Variants in KYNU observed in about 807,000 individuals in gnomAD.
The protein encoded by KYNU is L-kynurenine hydrolase.
A neutral mutation model predicts 59.2 loss-of-function variants in KYNU; 54 were observed. That is an observed-to-expected ratio of 0.91 (90% confidence interval 0.73 to 1.14). The LOEUF is 1.14. Among genes scored for constraint, KYNU ranks in the 50% most tolerant of loss-of-function variants. The pLI is 0.00. For synonymous variants in KYNU, 177 were observed against 192.0 expected, an observed-to-expected ratio of 0.92 and a Z score of 0.65; for missense variants, 567 against 554.4, an observed-to-expected ratio of 1.02 and a Z score of -0.23.
chr2:143,008,096 A>T lies in KYNU; in HGVS notation c.903-21531A>T, dbSNP rs1461821876. 1.7e-5 allele frequency among the ~76,000 whole-genome samples: 2 copies of T among 119,440 alleles called. 1 individual carries two copies. Among genetic ancestry groups the T allele is most frequent in the Non-Finnish European group, 3.4e-5 (2 of 59,216 alleles). 78.4% of individuals were successfully genotyped at this position (119,440 alleles called of 152,430 possible). The stretch of plus-strand genomic sequence containing the variant: ...TGTAAATGGACTAAATTCTCCAATT[A>T]AAAGACACAGACTGGCAAATTGGAT... On this transcript the variant is annotated intron_variant, in intron 10 of 13. Coordinates refer to ENST00000264170, the MANE Select transcript of KYNU (RefSeq NM_003937.3).
chr2:142,977,124 A>T (rs1684907396), intron 8 of KYNU, among the ~76,000 whole-genome samples: 1 of 152,032 alleles, frequency 6.6e-6, no homozygotes, highest in African/African-American at 2.4e-5. Flanking sequence ...ATAATGAAGT[A>T]TGTCCATCCC....
intron 2 of KYNU, among the ~76,000 whole-genome samples, chr2:142,906,163 G>A (rs1009213299): frequency 6.6e-6 from 1 of 151,982 alleles, no homozygotes; most frequent in South Asian, 2.1e-4. Context: ...AAGGAAGTTC[G>A]CTTGTTGACC....
At chr2:142,948,065 A>G (rs1683859549) in intron 4 of KYNU, 1 of 152,218 alleles carries the variant, frequency 6.6e-6, no homozygotes, top group Non-Finnish European at 1.5e-5. Flanking sequence ...AATCATCAAT[A>G]AAAGGATCTG....
intron 2 of KYNU, 107 bp downstream of exon 2, chr2:142,885,643 T>G: frequency 9.7e-7 from 1 of 1,033,990 alleles, no homozygotes; most frequent in Admixed American, 2.2e-5. Context: ...ATAATAGAGC[T>G]GTTGCAATTA....
At chr2:142,949,276 G>T (rs532602967) in intron 4 of KYNU, among the ~76,000 whole-genome samples, 43 of 152,258 alleles carry the variant, frequency 2.8e-4, no homozygotes, top group Non-Finnish European at 3.8e-4. Context: ...ACCACTCTGG[G>T]GACTGGAGGA....
chr2:143,006,114 C>T (rs532738542), intron 10 of KYNU, among the ~76,000 whole-genome samples: 8 of 152,184 alleles, frequency 5.3e-5, no homozygotes, highest in South Asian at 2.1e-4. Context: ...ACGCAGAAGA[C>T]GGGTGATTTC....
At chr2:142,952,934 A>G (rs1196544429) in intron 4 of KYNU, among the ~76,000 whole-genome samples, 1 of 152,000 alleles carries the variant, frequency 6.6e-6, no homozygotes, top group East Asian at 1.9e-4. Context: ...ATTTTTTTTA[A>G]ATAAATGGTT....
At chr2:142,933,833 G>C (rs1251544708) in intron 4 of KYNU, among the ~76,000 whole-genome samples, 1 of 152,158 alleles carries the variant, frequency 6.6e-6, no homozygotes, top group Non-Finnish European at 1.5e-5. Context: ...GAAACCTTGA[G>C]GTAGTATGCA....
At chr2:143,018,873 T>TATTA (rs1171490941) in intron 10 of KYNU, among the ~76,000 whole-genome samples, 1 of 152,122 alleles carries the variant, frequency 6.6e-6, no homozygotes, top group Non-Finnish European at 1.5e-5. Context: ...CTAGGTATTT[T>TATTA]ATTTATTTAT....
Position 143,042,097 on chromosome 2 carries a change from T to C in KYNU, c.1323T>C (p.Tyr441=). ...NGIRVAPVPL[Y]NSFHDVYKFT... ...TTCGAGTGGCTCCAGTTCCTCTCTA[T>C]AATTCTTTCCATGATGTTTATAAAT... Residue 441 remains tyrosine, a synonymous_variant, in exon 14 of 14, where the codon TAT becomes TAC. Coordinates refer to ENST00000264170, the MANE Select transcript of KYNU (RefSeq NM_003937.3). 6.2e-7 allele frequency: 1 copy of C among 1,611,500 alleles called. No individual in the cohort carries two copies. Among genetic ancestry groups the C allele is most frequent in the Admixed American group, 1.7e-5 (1 of 59,810 alleles).
chr2:142,912,383 T>TC (rs1387111739), intron 2 of KYNU, among the ~76,000 whole-genome samples: 1 of 132,826 alleles, frequency 7.5e-6, no homozygotes, highest in African/African-American at 3.0e-5. Flanking sequence ...TTTTTTTTTT[T>TC]TTTTTTTTTT....
chr2:142,928,939 T>C (rs1683123957), intron 4 of KYNU, among the ~76,000 whole-genome samples: 1 of 142,926 alleles, frequency 7.0e-6, no homozygotes, highest in African/African-American at 2.6e-5. Context: ...GCCTGGGAGG[T>C]TGAGGCTGCA....
chr2:143,029,790 A>T lies in KYNU; in HGVS notation c.955+111A>T, dbSNP rs546465791. On this transcript the variant is annotated intron_variant, in intron 11 of 13. Transcript: ENST00000264170. ...TGCCCCAGGGAGAGTGCACTTCAAA[A>T]ATGTCACTGAGAATTCTCAAATAAG... 1.6e-5 allele frequency: 11 copies of T among 697,646 alleles called. No homozygotes were observed. In the African/African-American group the frequency reaches 1.8e-4, roughly 11 times the overall value. 43.2% of individuals were successfully genotyped at this position (697,646 alleles called of 1,614,324 possible).
Position 142,906,431 on chromosome 2 carries a change from C to A in KYNU, c.170-12178C>A, listed in dbSNP as rs561982475. 7.9e-5 allele frequency among the ~76,000 whole-genome samples: 12 copies of A among 152,278 alleles called. No homozygotes were observed. The South Asian group carries it at 2.1e-3, about 26-fold the overall frequency. The stretch of plus-strand genomic sequence containing the variant: ...GAGAGGAATCCTAGCCATTTACAAA[C>A]TCAGGGCCTGGCAAGAGTGGTGGAG... On this transcript the variant is annotated intron_variant, in intron 2 of 13. Transcript: ENST00000264170.
chr2:142,964,388 GTTC>G (rs1308174238), intron 8 of KYNU, among the ~76,000 whole-genome samples: 1 of 152,054 alleles, frequency 6.6e-6, no homozygotes, highest in Non-Finnish European at 1.5e-5. Flanking sequence ...CAAAAAAGTT[GTTC>G]TTCTACCAGC....
At chr2:142,903,551 A>AG (rs56051049) in intron 2 of KYNU, among the ~76,000 whole-genome samples, 152,168 of 152,168 alleles carry the variant, frequency 1, 76,084 homozygotes, top group Non-Finnish European at 1. Context: ...ACAGATCTGG[A>AG]GACAGTTGTC....
At chr2:143,012,916 AT>A (rs1433279144) in intron 10 of KYNU, among the ~76,000 whole-genome samples, 3 of 151,984 alleles carry the variant, frequency 2.0e-5, no homozygotes, top group South Asian at 2.1e-4. Context: ...GTATATTTGA[AT>A]TTTTTTTAGA....
At chr2:142,931,908 A>T (rs1173705539) in intron 4 of KYNU, among the ~76,000 whole-genome samples, 2 of 152,202 alleles carry the variant, frequency 1.3e-5, no homozygotes, top group African/African-American at 4.8e-5. Context: ...AATTATATGC[A>T]TGATGAGAGT....
At chr2:143,030,810 G>A (rs1410448278) in intron 11 of KYNU, among the ~76,000 whole-genome samples, 2 of 151,984 alleles carry the variant, frequency 1.3e-5, no homozygotes, top group Non-Finnish European at 2.9e-5. Context: ...AGTAAAAAAT[G>A]CATTTAATAC....
Sources: allele counts gnomAD v4.1 joint callset (sites outside exome capture counted in the v4.1 genomes callset), GRCh38; gene constraint gnomAD v4.1.1; transcripts MANE v1.5; gene names NCBI Gene and HGNC (gene_info 2026-07-23, HGNC 2026-07-21).